Variants in SLCO3A1 observed in about 807,000 individuals in gnomAD.
The protein encoded by SLCO3A1 is PGE1 transporter.
In SLCO3A1, 27 loss-of-function variants were observed where a neutral mutation model predicts 63.1. That is an observed-to-expected ratio of 0.43 (90% CI 0.32 to 0.59). The LOEUF (loss-of-function observed/expected upper bound fraction) is 0.59. Among genes scored for constraint, SLCO3A1 ranks in the 20% least tolerant of loss-of-function variants. The pLI is 0.09. For synonymous variants in SLCO3A1, 473 were observed against 409.9 expected (o/e 1.15, Z -1.86); for missense variants, 773 against 945.8 (o/e 0.82, Z 2.40).
At chr15:92,020,761 G>A (rs990260372) in intron 2 of SLCO3A1, among the ~76,000 whole-genome samples, 1 of 152,208 alleles carries the variant, frequency 6.6e-6, no homozygotes, top group South Asian at 2.1e-4. Context: ...TGTTTCCATA[G>A]CTTATCCATG....
chr15:91,898,460 G>A (rs1468046447), intron 1 of SLCO3A1, among the ~76,000 whole-genome samples: 1 of 152,146 alleles, frequency 6.6e-6, no homozygotes, highest in Non-Finnish European at 1.5e-5. Flanking sequence ...TTGTTCTCCT[G>A]TCAGGCCTGG....
Position 92,031,578 on chromosome 15 carries a change from A to T in SLCO3A1, c.647-63303A>T, listed in dbSNP as rs371952248. 5.9e-5 allele frequency among the ~76,000 whole-genome samples: 9 copies of T among 152,284 alleles called. No individual in the cohort carries two copies. In the East Asian group the frequency reaches 9.7e-4, roughly 16 times the overall value. ...GGAATTTCACTGTACACTCTGTAGA[A>T]GTGTGGTATGTCTGAGGTCAGCACC... On this transcript the variant is annotated intron_variant, in intron 2 of 9. Transcript: ENST00000318445.
chr15:92,037,261 A>G (rs977819630), intron 2 of SLCO3A1, among the ~76,000 whole-genome samples: 4 of 152,172 alleles, frequency 2.6e-5, no homozygotes, highest in African/African-American at 9.7e-5. Flanking sequence ...CTGCCAGACA[A>G]GACTGCCTTT....
At chr15:91,991,249 C>T (rs2046122872) in intron 2 of SLCO3A1, among the ~76,000 whole-genome samples, 1 of 152,054 alleles carries the variant, frequency 6.6e-6, no homozygotes, top group Admixed American at 6.6e-5. Context: ...CACCTATGGT[C>T]CTAGCTACTC....
chr15:92,156,495 GTGGCAGATTA>G lies in SLCO3A1; in HGVS notation c.1753+5483_1753+5492del, dbSNP rs1209370053. On this transcript the variant is annotated intron_variant, in intron 9 of 9. Coordinates refer to ENST00000318445, the MANE Select transcript of SLCO3A1 (RefSeq NM_013272.4). The stretch of plus-strand genomic sequence containing the variant: ...GCCTAGCTCTGCCTTTCCTGACCAT[GTGGCAGATTA>G]TTTAAGCTCTCTGGGCCTTACCAAC... Among the ~76,000 whole-genome samples, 7 of 152,296 alleles carry G rather than the reference GTGGCAGATTA, an allele frequency of 4.6e-5. No homozygotes were observed. In the East Asian group the frequency reaches 7.7e-4, roughly 17 times the overall value.
In SLCO3A1 at chr15:91,872,144, C is replaced by T. The variant is rs942443899; in HGVS notation, c.180+18056C>T. On this transcript the variant is annotated intron_variant, in intron 1 of 9. Coordinates refer to ENST00000318445, the MANE Select transcript of SLCO3A1 (RefSeq NM_013272.4). The surrounding 1 kb of genome is among the most constrained non-coding windows in gnomAD (Gnocchi z 4.1). ...GATGTGGTGTGTGCCCGGGAGGACACAAGCAGTCTGATCGAACTCTCACAC... is the reference window on the plus strand; with the variant it reads ...GATGTGGTGTGTGCCCGGGAGGACATAAGCAGTCTGATCGAACTCTCACAC... 1.3e-5 allele frequency among the ~76,000 whole-genome samples: 2 copies of T among 152,114 alleles called. No individual in the cohort carries two copies. Among genetic ancestry groups the T allele is most frequent in the African/African-American group, 2.4e-5 (1 of 41,418 alleles).
At chr15:92,129,619 C>G (rs540344883) in intron 7 of SLCO3A1, among the ~76,000 whole-genome samples, 1 of 152,322 alleles carries the variant, frequency 6.6e-6, no homozygotes, top group South Asian at 2.1e-4. Context: ...CCCAGAAGTA[C>G]TCCATGAATG....
intron 2 of SLCO3A1, among the ~76,000 whole-genome samples, chr15:92,088,183 T>C (rs1440049922): frequency 6.6e-6 from 1 of 152,190 alleles, no homozygotes; most frequent in Non-Finnish European, 1.5e-5. Flanking sequence ...CTGTGACTAG[T>C]GCTCTCAACC....
chr15:92,029,982 A>T (rs1347923222), intron 2 of SLCO3A1, among the ~76,000 whole-genome samples: 1 of 152,118 alleles, frequency 6.6e-6, no homozygotes, highest in Non-Finnish European at 1.5e-5. Context: ...TCTGGCTTCA[A>T]CCGTTGCATT....
chr15:91,996,091 A>G (rs1478795448), intron 2 of SLCO3A1, among the ~76,000 whole-genome samples: 1 of 152,180 alleles, frequency 6.6e-6, no homozygotes, highest in Non-Finnish European at 1.5e-5. Flanking sequence ...ATATTTGCAG[A>G]TAAGATTATC....
chr15:92,146,280 G>A (rs2048221458), intron 7 of SLCO3A1, among the ~76,000 whole-genome samples: 1 of 152,232 alleles, frequency 6.6e-6, no homozygotes, highest in South Asian at 2.1e-4. Flanking sequence ...AGCTGGGCTA[G>A]AATCCACCCC....
intron 2 of SLCO3A1, among the ~76,000 whole-genome samples, chr15:91,930,580 A>C (rs1324508131): frequency 1.3e-5 from 2 of 152,202 alleles, no homozygotes; most frequent in Admixed American, 1.3e-4. Context: ...AGAGGTGTTA[A>C]ATTTAATTGT....
At chr15:91,855,258 G>C (rs1896886100) in intron 1 of SLCO3A1, among the ~76,000 whole-genome samples, 1 of 152,102 alleles carries the variant, frequency 6.6e-6, no homozygotes, top group South Asian at 2.1e-4. Context: ...CCAGACGCTG[G>C]GGGCTGTATA....
intron 2 of SLCO3A1, among the ~76,000 whole-genome samples, chr15:92,070,016 A>G (rs1385179408): frequency 6.6e-6 from 1 of 152,246 alleles, no homozygotes; most frequent in Non-Finnish European, 1.5e-5. Context: ...TGAAGACTCT[A>G]TTCTGTTGCG....
chr15:91,956,644 C>T (rs542167526), intron 2 of SLCO3A1, among the ~76,000 whole-genome samples: 149 of 151,926 alleles, frequency 9.8e-4, no homozygotes, highest in African/African-American at 3.6e-3. Context: ...AGGCTAGGCC[C>T]TGGGGAGAAA....
rs1041342632 is a variant in SLCO3A1 at position 92,165,862 on chromosome 15, G to C, written c.*2727G>C. 5.1e-6 allele frequency: 5 copies of C among 985,112 alleles called. No individual in the cohort carries two copies. Among genetic ancestry groups the C allele is most frequent in the Non-Finnish European group, 6.0e-6 (5 of 829,822 alleles). 61.0% of individuals were successfully genotyped at this position (985,112 alleles called of 1,614,324 possible). ...TCCTGGTAAGATCATTGGATTTACAGAATACAAAAATGTACGGGATGGAAT... is the reference window on the plus strand; with the variant it reads ...TCCTGGTAAGATCATTGGATTTACACAATACAAAAATGTACGGGATGGAAT... On this transcript the variant is annotated 3_prime_UTR_variant, in exon 10 of 10. Transcript: ENST00000318445.
chr15:92,129,721 C>T (rs2047969633), intron 7 of SLCO3A1, among the ~76,000 whole-genome samples: 1 of 152,148 alleles, frequency 6.6e-6, no homozygotes, highest in African/African-American at 2.4e-5. Context: ...CTGCTTCTTC[C>T]TACATCTTAT....
chr15:92,143,400 A>T lies in SLCO3A1; in HGVS notation c.1513-3584A>T, dbSNP rs369694084. On this transcript the variant is annotated intron_variant, in intron 7 of 9. Coordinates refer to ENST00000318445, the MANE Select transcript of SLCO3A1 (RefSeq NM_013272.4). ...ATATATATAATATATATATTATATA[A>T]TATATATAATATATATATTATATAT... 4.5e-3 allele frequency among the ~76,000 whole-genome samples: 10 copies of T among 2,208 alleles called. 2 individuals carry two copies. The highest frequency in any genetic ancestry group is 0.034 in the African/African-American group (10 of 292). The allele number at this position is 2,208 out of a possible 152,430, so 1.4% of individuals were successfully genotyped here. A position where few individuals can be genotyped will look rare whatever the true frequency, so the allele number is the denominator to read the frequency against.
intron 2 of SLCO3A1, among the ~76,000 whole-genome samples, chr15:92,080,785 TTGGTC>T (rs2047334243): frequency 6.6e-6 from 1 of 152,190 alleles, no homozygotes; most frequent in Non-Finnish European, 1.5e-5. Flanking sequence ...CTCAGTGACT[TTGGTC>T]TGGCCACATT....
Sources: allele counts gnomAD v4.1 joint callset (sites outside exome capture counted in the v4.1 genomes callset), GRCh38; gene constraint gnomAD v4.1.1; non-coding constraint Gnocchi (gnomAD v3.1); transcripts MANE v1.5; gene names NCBI Gene and HGNC (gene_info 2026-07-23, HGNC 2026-07-21).